TSC2: variants seen among roughly 807,000 people sequenced by gnomAD.
The protein encoded by TSC2 is TSC complex subunit 2, also known as tuberin.
Under a neutral mutation model 202.2 loss-of-function variants are expected in TSC2, and 29 were observed. The ratio of observed to expected loss-of-function variants is 0.14; its 90% confidence interval spans 0.11 to 0.20. The LOEUF (loss-of-function observed/expected upper bound fraction) is 0.20, where lower values mean the gene tolerates loss of function less well. TSC2 is among the 10% of genes least tolerant of loss of function. The pLI is 1.00. For missense variants in TSC2, 2,429 were observed against 2,420.0 expected (o/e 1.00, Z -0.08); for synonymous variants, 1,349 against 1,044.0 (o/e 1.29, Z -5.63).
At chr16:2,087,269 C>T in intron 38 of TSC2, 1 of 357,772 alleles carries the variant, frequency 2.8e-6, no homozygotes, top group Non-Finnish European at 5.4e-6. Context: ...TGGAGGTGGG[C>T]TGGGTCGGCC....
In TSC2 at chr16:2,079,953, G is replaced by C. The variant is rs544894536; in HGVS notation, c.3398-212G>C. ...CCCTTCTCTGCTCCAGCGAGCCGTGGTCTGACTGCAGGACAGGTTCTGGGT... is the reference window on the plus strand; with the variant it reads ...CCCTTCTCTGCTCCAGCGAGCCGTGCTCTGACTGCAGGACAGGTTCTGGGT... On this transcript the variant is annotated intron_variant, in intron 29 of 41. Coordinates refer to ENST00000219476, the MANE Select transcript of TSC2 (RefSeq NM_000548.5). This position sits in a 1 kb window ranked among gnomAD's most constrained non-coding sequence, Gnocchi z 4.6. Among the ~76,000 whole-genome samples, 58 of 152,330 alleles carry C rather than the reference G, an allele frequency of 3.8e-4. No homozygotes were observed. Among genetic ancestry groups the C allele is most frequent in the African/African-American group, 1.2e-3 (50 of 41,580 alleles).
At position 2,060,104 on chromosome 16, in the gene TSC2, C is replaced by T. The variant is rs555619432; in HGVS notation, c.976-566C>T. On this transcript the variant is annotated intron_variant, in intron 10 of 41. Coordinates refer to ENST00000219476, the MANE Select transcript of TSC2 (RefSeq NM_000548.5). ...TTGTCAAGTGCTGGTCTTGTCCTGT[C>T]TCTGCAATGACGCCGTGGCACAGAC... 3.3e-5 allele frequency among the ~76,000 whole-genome samples: 5 copies of T among 152,302 alleles called. No homozygotes were observed. The South Asian group carries it at 1.0e-3, about 32-fold the overall frequency.
chr16:2,055,334 C>G lies in TSC2; in HGVS notation c.482-68C>G, dbSNP rs2516734. ...CGGGTTTGGACACACTGTCCTGCGGCGGGAGGGGGAGGTGAGTGGGAGATG... is the reference window on the plus strand; with the variant it reads ...CGGGTTTGGACACACTGTCCTGCGGGGGGAGGGGGAGGTGAGTGGGAGATG... On this transcript the variant is annotated intron_variant, in intron 5 of 41. Coordinates refer to ENST00000219476, the MANE Select transcript of TSC2 (RefSeq NM_000548.5). 0.14 allele frequency: 166,937 copies of G among 1,215,204 alleles called. 14,378 individuals are homozygous for G. The highest frequency in any genetic ancestry group is 0.36 in the African/African-American group (24,029 of 66,984). The allele number at this position is 1,215,204 out of a possible 1,614,324, so 75.3% of individuals were successfully genotyped here. A position where few individuals can be genotyped will look rare whatever the true frequency, so the allele number is the denominator to read the frequency against.
intron 31 of TSC2, 94 bp from the exon 32 acceptor site, chr16:2,082,342 C>A: frequency 2.0e-6 from 3 of 1,464,194 alleles, no homozygotes; most frequent in Non-Finnish European, 2.9e-6. Context: ...GCCCTGCCCT[C>A]TCTCCTCTGC....
rs1555514579 is a variant in TSC2, at chr16:2,084,677, A to G, written c.4455A>G (p.Thr1485=). The G allele has an allele frequency of 1.3e-6, 2 of 1,598,698 alleles. No homozygotes were observed. The highest frequency in any genetic ancestry group is 2.7e-5 in the African/African-American group (2 of 75,056). ...VERDALKSRA[T]ASNAEKVPGI... ...GGGACGCCTTAAAGAGCAGAGCCAC[A>G]GCCTCCAATGCAGAGAAAGTGCCAG... is the stretch of plus-strand genomic sequence containing the variant. Residue 1485 remains threonine (T), a synonymous_variant, in exon 34 of 42, where the codon ACA becomes ACG. Transcript: ENST00000219476.
In TSC2 at chr16:2,085,100, C is replaced by T. The variant is rs991336398; in HGVS notation, c.4569+74C>T. 6 of 1,601,620 alleles carry T rather than the reference C, an allele frequency of 3.7e-6. No individual in the cohort carries two copies. In the African/African-American group the frequency reaches 4.0e-5, roughly 11 times the overall value. ...GTGAATGGTGGGGGGCCCAGCTCTG[C>T]TGCTGGGAGCTCAGGCTTGCAGAGG... On this transcript the variant is annotated intron_variant, in intron 35 of 41. Coordinates refer to ENST00000219476, the MANE Select transcript of TSC2 (RefSeq NM_000548.5).
intron 31 of TSC2, 86 bp from the exon 32 acceptor site, chr16:2,082,350 T>C: frequency 6.7e-7 from 1 of 1,500,588 alleles, no homozygotes. Flanking sequence ...CTCTCTCCTC[T>C]GCAGGCACGG....
chr16:2,067,088 A>G (rs1369030781), intron 16 of TSC2, among the ~76,000 whole-genome samples: 1 of 152,086 alleles, frequency 6.6e-6, no homozygotes, highest in African/African-American at 2.4e-5. Context: ...TGGTAGAACA[A>G]TTTCCTGTCA....
At chr16:2,072,172 C>T in intron 19 of TSC2, 69 bp from the exon 20 acceptor site, 7 of 1,608,886 alleles carry the variant, frequency 4.4e-6, no homozygotes, top group Admixed American at 1.7e-5. Context: ...AGCAGAGCCT[C>T]AGATGCTAGC....
At chr16:2,060,610 G>A (rs1381782004) in intron 10 of TSC2, 60 bp from the exon 11 acceptor site, 8 of 1,612,326 alleles carry the variant, frequency 5.0e-6, no homozygotes, top group Non-Finnish European at 5.9e-6. Context: ...GTGACTGGGA[G>A]GGCGTCCCAC....
Position 2,072,309 on chromosome 16 carries a change from C to T in TSC2, c.2166C>T (p.Leu722=), listed in dbSNP as rs1009050362. 1.9e-6 allele frequency: 3 copies of T among 1,614,140 alleles called. No individual in the cohort carries two copies. Among genetic ancestry groups the T allele is most frequent in the East Asian group, 2.2e-5 (1 of 44,880 alleles). Residue 722 remains leucine (L), a synonymous_variant, in exon 20 of 42, where the codon CTC becomes CTT. Coordinates refer to ENST00000219476, the MANE Select transcript of TSC2 (RefSeq NM_000548.5). ...RLPESLRYKV[L]IFTSPCSVDQ... ...CTGAGTCCCTGCGCTATAAAGTGCTCATCTTTACTTCCCCTTGCAGTGTGG... is the reference window on the plus strand; with the variant it reads ...CTGAGTCCCTGCGCTATAAAGTGCTTATCTTTACTTCCCCTTGCAGTGTGG...
intron 34 of TSC2, 79 bp from the exon 35 acceptor site, chr16:2,084,872 G>T: frequency 3.7e-6 from 6 of 1,605,148 alleles, no homozygotes; most frequent in Non-Finnish European, 2.6e-6. Context: ...AGATGGCCAG[G>T]CTCTGTGTTC....
chr16:2,063,682 C>T (rs2086916631), intron 14 of TSC2: 1 of 222,980 alleles, frequency 4.5e-6, no homozygotes, highest in Non-Finnish European at 9.0e-6. Context: ...TTGAATTGCC[C>T]TTTGCTGGGC....
rs753205147 is a variant in TSC2, at chr16:2,079,320, C to G, written c.3176C>G (p.Thr1059Ser). ...CTCCTAGCGGGTGGCAGGACCAAAA[C>G]CTGGCTGGTTGGGAACAAGCTTGTC... The part of the protein sequence containing the change: ...EFLLAGGRTK[T>S]WLVGNKLVTV... The change falls in exon 28 of 42, where the codon ACC becomes AGC. Residue 1059 changes from threonine (T) to serine (S), a missense_variant. Thr to Ser is a moderately conservative substitution (Grantham distance 58, BLOSUM62 1). Transcript: ENST00000219476. The surrounding 1 kb of genome is among the most constrained non-coding windows in gnomAD (Gnocchi z 4.6). 1.2e-6 allele frequency: 2 copies of G among 1,613,058 alleles called. No homozygotes were observed. Among genetic ancestry groups the G allele is most frequent in the Non-Finnish European group, 1.7e-6 (2 of 1,180,028 alleles).
chr16:2,088,877 G>GCA lies in TSC2; in HGVS notation c.*268_*269insAC, dbSNP rs1469733350. 8 of 482,030 alleles carry GCA rather than the reference G, an allele frequency of 1.7e-5. No individual in the cohort carries two copies. Among genetic ancestry groups the GCA allele is most frequent in the African/African-American group, 8.7e-5 (3 of 34,464 alleles). 29.9% of individuals were successfully genotyped at this position (482,030 alleles called of 1,614,324 possible). ...CCATACAGCACACTCGCGCGTGCGC[G>GCA]CGCGCACACACACACACACACAGTC... On this transcript the variant is annotated 3_prime_UTR_variant, in exon 42 of 42. Transcript: ENST00000219476.
At chr16:2,076,218 T>C (rs771147865) in intron 24 of TSC2, 48 bp downstream of exon 24, 1 of 1,611,214 alleles carries the variant, frequency 6.2e-7, no homozygotes, top group South Asian at 1.1e-5. Flanking sequence ...GGCCAGGGCT[T>C]GCTTTGCCCT....
At chr16:2,062,946 C>T (rs1448205965) in intron 13 of TSC2, 26 bp from the exon 14 acceptor site, 52 of 1,546,988 alleles carry the variant, frequency 3.4e-5, no homozygotes, top group Admixed American at 1.2e-4. Flanking sequence ...ACTCCCCACC[C>T]GCCCCAGCAG....
rs761569930 is a variant in TSC2 at position 2,085,333 on chromosome 16, G to A, written c.4662+11G>A. 47 of 1,612,332 alleles carry A rather than the reference G, an allele frequency of 2.9e-5. No homozygotes were observed. The Middle Eastern group carries it at 8.2e-4, about 28-fold the overall frequency. ...GTTGGAGAAGGCCAGGTGAGGCTGC[G>A]GGGCCGGCCTAGGTGCCTGGACAGG... is the stretch of plus-strand genomic sequence containing the variant. On this transcript the variant is annotated intron_variant, in intron 36 of 41. Coordinates refer to ENST00000219476, the MANE Select transcript of TSC2 (RefSeq NM_000548.5).
At chr16:2,068,960 T>C (rs1679551263) in intron 16 of TSC2, among the ~76,000 whole-genome samples, 1 of 151,630 alleles carries the variant, frequency 6.6e-6, no homozygotes, top group Non-Finnish European at 1.5e-5. Flanking sequence ...AGGTCTTCAT[T>C]GTTGTCATCC....
Sources: gnomAD v4.1 joint callset for allele counts (sites outside exome capture counted in the v4.1 genomes callset) on GRCh38, gnomAD v4.1.1 for gene constraint, Gnocchi (gnomAD v3.1) non-coding constraint, MANE v1.5 for transcripts, NCBI Gene and HGNC (gene_info 2026-07-23, HGNC 2026-07-21) for gene names.